CALN1: variants seen among roughly 807,000 people sequenced by gnomAD.
CALN1 encodes the protein calneuron 1.
In CALN1, 17 loss-of-function variants were observed where a neutral mutation model predicts 30.6. The observed-to-expected ratio is 0.56, with a 90% CI of 0.38 to 0.83. The LOEUF (loss-of-function observed/expected upper bound fraction) is 0.83, where lower values mean the gene tolerates loss of function less well. Ranked by LOEUF, CALN1 falls within the 40% of genes least tolerant of loss-of-function variation. The pLI is 0.00. For missense variants in CALN1, 291 were observed against 354.9 expected (o/e 0.82, Z 1.45); for synonymous variants, 156 against 131.4 (o/e 1.19, Z -1.28).
Position 71,921,668 on chromosome 7 carries a change from T to C in CALN1, c.501+101989A>G, listed in dbSNP as rs1161612749. ...ATGTAAAAAAGAAATATCTACCACG[T>C]TAGGATTAAAATTATGGCATTTAGT... is the stretch of plus-strand genomic sequence containing the variant. On this transcript the variant is annotated intron_variant, in intron 5 of 6. Coordinates refer to ENST00000395275, the MANE Select transcript of CALN1 (RefSeq NM_031468.4). Among the ~76,000 whole-genome samples, 3 of 152,228 alleles carry C rather than the reference T, an allele frequency of 2.0e-5. No individual in the cohort carries two copies. In the East Asian group the frequency reaches 5.8e-4, roughly 29 times the overall value.
chr7:72,314,473 T>C (rs1585453860), intron 2 of CALN1, among the ~76,000 whole-genome samples: 1 of 151,454 alleles, frequency 6.6e-6, no homozygotes, highest in South Asian at 2.1e-4. Context: ...ACCCAGGCTG[T>C]AGTGCAGTGG....
intron 5 of CALN1, among the ~76,000 whole-genome samples, chr7:71,971,257 TG>T (rs957392263): frequency 1.3e-5 from 2 of 152,148 alleles, no homozygotes; most frequent in African/African-American, 4.8e-5. Context: ...AAGACCAGCC[TG>T]GCCAACATGG....
chr7:72,385,669 G>A (rs907057478), intron 2 of CALN1, among the ~76,000 whole-genome samples: 1 of 152,196 alleles, frequency 6.6e-6, no homozygotes, highest in African/African-American at 2.4e-5. Flanking sequence ...GAGTAACTTG[G>A]TGGTGATGAC....
chr7:71,826,104 G>A (rs1406013740), intron 5 of CALN1, among the ~76,000 whole-genome samples: 1 of 150,200 alleles, frequency 6.7e-6, no homozygotes, highest in African/African-American at 2.5e-5. Context: ...GCCAGACTAT[G>A]GATAAATCCA....
At chr7:72,094,830 A>T (rs1359334603) in intron 4 of CALN1, among the ~76,000 whole-genome samples, 1 of 152,170 alleles carries the variant, frequency 6.6e-6, no homozygotes, top group African/African-American at 2.4e-5. Context: ...TCTTCAATTC[A>T]CATCCTCTGC....
At chr7:72,158,683 A>C (rs1180591416) in intron 3 of CALN1, among the ~76,000 whole-genome samples, 2 of 152,148 alleles carry the variant, frequency 1.3e-5, no homozygotes, top group Non-Finnish European at 2.9e-5. Context: ...TGTATCTGCA[A>C]GTCGTGCTGA....
intron 4 of CALN1, among the ~76,000 whole-genome samples, chr7:72,092,114 CCTT>C (rs773341318): frequency 3.9e-5 from 6 of 152,098 alleles, no homozygotes; most frequent in Non-Finnish European, 7.4e-5. Flanking sequence ...GTAATGCTTT[CCTT>C]CTTAATTAAA....
intron 2 of CALN1, among the ~76,000 whole-genome samples, chr7:72,395,400 C>T (rs1483876302): frequency 6.6e-6 from 1 of 152,112 alleles, no homozygotes; most frequent in African/African-American, 2.4e-5. Flanking sequence ...CAGGCTCAAA[C>T]TGTATTTGGA....
intron 6 of CALN1, among the ~76,000 whole-genome samples, chr7:71,808,747 C>T (rs1194526611): frequency 6.6e-6 from 1 of 152,172 alleles, no homozygotes. Context: ...CAAAAATACC[C>T]TTCTCCACCC....
chr7:72,244,484 G>C (rs544423510), intron 3 of CALN1, among the ~76,000 whole-genome samples: 2 of 151,218 alleles, frequency 1.3e-5, no homozygotes, highest in East Asian at 3.9e-4. Flanking sequence ...ATATAAACAA[G>C]AAAACAGAAA....
At chr7:72,158,505 C>T (rs938263138) in intron 3 of CALN1, among the ~76,000 whole-genome samples, 9 of 152,166 alleles carry the variant, frequency 5.9e-5, no homozygotes, top group Non-Finnish European at 1.3e-4. Context: ...GCTGAAAATG[C>T]CAGAAACTCA....
At chr7:72,425,097 G>C (rs1318070770) in intron 1 of CALN1, among the ~76,000 whole-genome samples, 2 of 152,052 alleles carry the variant, frequency 1.3e-5, no homozygotes, top group East Asian at 3.9e-4. Context: ...AGAGGGGTAG[G>C]GTTTGTTTTT....
At chr7:72,315,001 A>G (rs907511072) in intron 2 of CALN1, among the ~76,000 whole-genome samples, 8 of 145,412 alleles carry the variant, frequency 5.5e-5, no homozygotes, top group African/African-American at 2.1e-4. Context: ...AAAAAAATTA[A>G]TTAGCTGGAC....
chr7:72,179,839 G>T (rs759524727), intron 3 of CALN1, among the ~76,000 whole-genome samples: 9 of 152,050 alleles, frequency 5.9e-5, no homozygotes, highest in Non-Finnish European at 8.8e-5. Context: ...ATTTTCTTAT[G>T]TAAAAAAGTT....
intron 6 of CALN1, among the ~76,000 whole-genome samples, chr7:71,790,207 A>G (rs1793250386): frequency 6.6e-6 from 1 of 151,282 alleles, no homozygotes; most frequent in African/African-American, 2.4e-5. Context: ...AGAAACAAAG[A>G]AAGAAAGAAA....
At chr7:72,059,307 T>C (rs1584855451) in intron 4 of CALN1, among the ~76,000 whole-genome samples, 1 of 152,246 alleles carries the variant, frequency 6.6e-6, no homozygotes, top group East Asian at 1.9e-4. Flanking sequence ...ATGATAGGGA[T>C]GGTATATTAA....
At chr7:72,266,187 A>G (rs997231019) in intron 3 of CALN1, among the ~76,000 whole-genome samples, 3 of 152,036 alleles carry the variant, frequency 2.0e-5, no homozygotes, top group Non-Finnish European at 4.4e-5. Flanking sequence ...TTGCATCTAG[A>G]AAGTCTAGTA....
intron 4 of CALN1, among the ~76,000 whole-genome samples, chr7:72,073,672 C>G (rs1432731911): frequency 6.6e-6 from 1 of 151,044 alleles, no homozygotes; most frequent in African/African-American, 2.5e-5. Context: ...CTCCCCTCCC[C>G]TCCCTTCTCC....
At chr7:71,970,085 C>A (rs1020104242) in intron 5 of CALN1, among the ~76,000 whole-genome samples, 5 of 152,046 alleles carry the variant, frequency 3.3e-5, no homozygotes, top group Admixed American at 2.6e-4. Context: ...TTGGACTCAA[C>A]TGATCCTCCT....
Sources: allele counts gnomAD v4.1 joint callset (sites outside exome capture counted in the v4.1 genomes callset), GRCh38; gene constraint gnomAD v4.1.1; transcripts MANE v1.5; gene names NCBI Gene and HGNC (gene_info 2026-07-23, HGNC 2026-07-21).